CD83: variants seen among roughly 807,000 people sequenced by gnomAD.
The protein encoded by CD83 is CD83 molecule.
CD83 carries 22 observed loss-of-function variants against 24.6 expected under a neutral mutation model. The ratio of observed to expected loss-of-function variants is 0.90; its 90% CI spans 0.64 to 1.28. The LOEUF (loss-of-function observed/expected upper bound fraction) is 1.28. Ranked by LOEUF, CD83 falls within the 50% of genes most tolerant of loss-of-function variation. CD83 has a pLI of 0.00. For synonymous variants in CD83, 101 were observed against 103.5 expected (o/e 0.98, Z 0.14); for missense variants, 253 against 252.8 (o/e 1.00, Z -0.01).
intron 2 of CD83, among the ~76,000 whole-genome samples, 180 bp downstream of exon 2, chr6:14,118,245 G>T (rs1177280317): frequency 1.3e-5 from 2 of 152,274 alleles, no homozygotes; most frequent in African/African-American, 4.8e-5. Flanking sequence ...CCGCATCCAG[G>T]TACAGGGCCG....
intron 3 of CD83, among the ~76,000 whole-genome samples, 171 bp downstream of exon 3, chr6:14,131,919 T>C (rs1045855465): frequency 2.6e-5 from 4 of 152,224 alleles, no homozygotes; most frequent in Admixed American, 2.6e-4. Flanking sequence ...TTCTGTGGCT[T>C]AAATGATGCC....
intron 2 of CD83, among the ~76,000 whole-genome samples, chr6:14,120,588 G>A (rs1759649110): frequency 1.3e-5 from 2 of 152,070 alleles, no homozygotes; most frequent in Admixed American, 1.3e-4. Flanking sequence ...CTTCATACTG[G>A]GCAAGGAAAG....
At chr6:14,131,492 G>A (rs369153279) in intron 2 of CD83, 28 bp from the exon 3 acceptor site, 82 of 1,551,296 alleles carry the variant, frequency 5.3e-5, no homozygotes, top group African/African-American at 3.8e-4. Flanking sequence ...GCAGTGGACC[G>A]TGATGCGCTC....
intron 3 of CD83, 42 bp from the exon 4 acceptor site, chr6:14,133,607 A>G: frequency 2.2e-6 from 3 of 1,361,548 alleles, no homozygotes; most frequent in South Asian, 2.4e-5. Context: ...TGGTAGAAAA[A>G]TCCTGTTAAA....
At chr6:14,125,729 A>G (rs988629173) in intron 2 of CD83, among the ~76,000 whole-genome samples, 1 of 152,210 alleles carries the variant, frequency 6.6e-6, no homozygotes, top group African/African-American at 2.4e-5. Flanking sequence ...ATGAACAATG[A>G]AGGGTCCAAC....
rs116253651 is a variant in CD83, at chr6:14,131,422, A to G, written c.154-98A>G. The G allele has an allele frequency of 4.8e-3, 3,994 of 832,744 alleles. 85 individuals are homozygous for G. In the African/African-American group the frequency reaches 0.051, roughly 11 times the overall value. The allele number at this position is 832,744 out of a possible 1,614,324, so 51.6% of individuals were successfully genotyped here. A position where few individuals can be genotyped will look rare whatever the true frequency, so the allele number is the denominator to read the frequency against. ...GCATCACGTCTTGTTTTACAAACAT[A>G]AGTTGAGGCTGGATCTTCTGAAAAC... On this transcript the variant is annotated intron_variant, in intron 2 of 4. Coordinates refer to ENST00000379153, the MANE Select transcript of CD83 (RefSeq NM_004233.4).
At chr6:14,123,391 G>A (rs976634383) in intron 2 of CD83, among the ~76,000 whole-genome samples, 2 of 152,168 alleles carry the variant, frequency 1.3e-5, no homozygotes, top group African/African-American at 4.8e-5. Flanking sequence ...AAGCCACCAC[G>A]CCCGGCCTCA....
intron 3 of CD83, 81 bp downstream of exon 3, chr6:14,131,829 T>C (rs370836174): frequency 5.4e-6 from 5 of 924,782 alleles, no homozygotes; most frequent in Middle Eastern, 4.3e-4. Context: ...TTCCTCTCTT[T>C]TGGAGTGTAG....
chr6:14,132,522 T>C (rs546513742), intron 3 of CD83, among the ~76,000 whole-genome samples: 11 of 152,382 alleles, frequency 7.2e-5, no homozygotes, highest in Admixed American at 2.6e-4. Flanking sequence ...TGTTAGTGTG[T>C]GACCTTGAGC....
intron 2 of CD83, among the ~76,000 whole-genome samples, chr6:14,122,080 G>A (rs1718849307): frequency 6.6e-6 from 1 of 152,126 alleles, no homozygotes; most frequent in African/African-American, 2.4e-5. Context: ...CAAGACAAGT[G>A]CCCTTTTCAG....
Position 14,117,908 on chromosome 6 carries a change from C to T in CD83, c.38-42C>T. 6.3e-7 allele frequency: 1 copy of T among 1,585,860 alleles called. No homozygotes were observed. Among genetic ancestry groups the T allele is most frequent in the Admixed American group, 1.7e-5 (1 of 57,524 alleles). On this transcript the variant is annotated intron_variant, in intron 1 of 4. Coordinates refer to ENST00000379153, the MANE Select transcript of CD83 (RefSeq NM_004233.4). This position sits in a 1 kb window ranked among gnomAD's most constrained non-coding sequence, Gnocchi z 4.6. ...CCCCGCCCCTCCACGACACCCCCTCCCGTCGGTCGCTTGCTCACGACGCGC... is the reference window on the plus strand; with the variant it reads ...CCCCGCCCCTCCACGACACCCCCTCTCGTCGGTCGCTTGCTCACGACGCGC...
chr6:14,123,106 T>G lies in CD83; in HGVS notation c.153+5041T>G, dbSNP rs112586857. The stretch of plus-strand genomic sequence containing the variant: ...TGTTTGTTTGTTTGTTTTTGTTTTT[T>G]TTTTTTTTGAGACAGAGTTTTGCTC... On this transcript the variant is annotated intron_variant, in intron 2 of 4. Coordinates refer to ENST00000379153, the MANE Select transcript of CD83 (RefSeq NM_004233.4). 4.0e-3 allele frequency among the ~76,000 whole-genome samples: 604 copies of G among 152,032 alleles called. 4 individuals carry two copies. Among genetic ancestry groups the G allele is most frequent in the African/African-American group, 0.014 (567 of 41,504 alleles).
chr6:14,129,349 C>T lies in CD83; in HGVS notation c.154-2171C>T, dbSNP rs147378858. Among the ~76,000 whole-genome samples, 275 of 152,232 alleles carry T rather than the reference C, an allele frequency of 1.8e-3. 1 individual carries two copies. The highest frequency in any genetic ancestry group is 3.1e-3 in the Non-Finnish European group (209 of 68,016). On this transcript the variant is annotated intron_variant, in intron 2 of 4. Coordinates refer to ENST00000379153, the MANE Select transcript of CD83 (RefSeq NM_004233.4). This position sits in a 1 kb window ranked among gnomAD's most constrained non-coding sequence, Gnocchi z 4.3. ...GGTAGGAAGAAGCCGCTCTGCCAGG[C>T]AGCGGAAGGGAGAGGCAAGCAGTGT... is the stretch of plus-strand genomic sequence containing the variant.
At chr6:14,132,729 C>T (rs1020112542) in intron 3 of CD83, among the ~76,000 whole-genome samples, 1 of 152,192 alleles carries the variant, frequency 6.6e-6, no homozygotes, top group African/African-American at 2.4e-5. Context: ...TGTGAGAATC[C>T]ATCCCTCGAC....
At chr6:14,119,422 G>A (rs949501191) in intron 2 of CD83, among the ~76,000 whole-genome samples, 3 of 152,106 alleles carry the variant, frequency 2.0e-5, no homozygotes, top group African/African-American at 7.2e-5. Flanking sequence ...TGCTCACCAC[G>A]TGCCAAGCTC....
chr6:14,121,079 T>C (rs1333289840), intron 2 of CD83, among the ~76,000 whole-genome samples: 1 of 152,224 alleles, frequency 6.6e-6, no homozygotes, highest in African/African-American at 2.4e-5. Flanking sequence ...TCTCATCCCT[T>C]CCTCCCTTAT....
intron 2 of CD83, among the ~76,000 whole-genome samples, chr6:14,128,308 T>A (rs1759869031): frequency 6.6e-6 from 1 of 152,274 alleles, no homozygotes; most frequent in South Asian, 2.1e-4. Flanking sequence ...TTGCATACGG[T>A]CCCTTGATCC....
intron 4 of CD83, among the ~76,000 whole-genome samples, chr6:14,134,731 C>T (rs1028094993): frequency 6.6e-6 from 1 of 152,242 alleles, no homozygotes; most frequent in Non-Finnish European, 1.5e-5. Context: ...TGTTCCTGCC[C>T]TCAAGGAGCT....
chr6:14,124,918 G>T (rs755827684), intron 2 of CD83, among the ~76,000 whole-genome samples: 1 of 152,018 alleles, frequency 6.6e-6, no homozygotes, highest in Non-Finnish European at 1.5e-5. Flanking sequence ...ACCTGACTAG[G>T]GTGGGCCCTA....
Sources: allele counts gnomAD v4.1 joint callset (sites outside exome capture counted in the v4.1 genomes callset), GRCh38; gene constraint gnomAD v4.1.1; non-coding constraint Gnocchi (gnomAD v3.1); transcripts MANE v1.5; gene names NCBI Gene and HGNC (gene_info 2026-07-23, HGNC 2026-07-21).